PALMD: variants seen among roughly 807,000 people sequenced by gnomAD.
The protein encoded by PALMD is paralemmin-like protein.
Under a neutral mutation model 56.2 loss-of-function variants are expected in PALMD, and 42 were observed. That is an observed-to-expected ratio of 0.75 (90% CI 0.58 to 0.97). The LOEUF (loss-of-function observed/expected upper bound fraction) is 0.97. Ranked by LOEUF, PALMD falls within the 50% of genes least tolerant of loss-of-function variation. The pLI is 0.00. For synonymous variants in PALMD, 242 were observed against 222.9 expected (o/e 1.09, Z -0.76); for missense variants, 660 against 643.8 (o/e 1.03, Z -0.27).
intron 1 of PALMD, among the ~76,000 whole-genome samples, chr1:99,650,126 G>A (rs970745765): frequency 1.3e-5 from 2 of 152,012 alleles, no homozygotes; most frequent in Non-Finnish European, 2.9e-5. Context: ...GAGCCTAGAT[G>A]TGAAGGAGGT....
intron 7 of PALMD, among the ~76,000 whole-genome samples, chr1:99,691,672 A>G (rs1653656151): frequency 6.6e-6 from 1 of 151,986 alleles, no homozygotes; most frequent in African/African-American, 2.4e-5. Flanking sequence ...ATACATAACC[A>G]CCTACGTACT....
chr1:99,659,641 T>C (rs1160000305), intron 1 of PALMD, among the ~76,000 whole-genome samples: 1 of 152,234 alleles, frequency 6.6e-6, no homozygotes, highest in African/African-American at 2.4e-5. Context: ...AAGGTTGACT[T>C]ATAGTTTATT....
intron 2 of PALMD, 25 bp from the exon 3 acceptor site, chr1:99,667,617 A>G (rs1286075033): frequency 3.1e-6 from 5 of 1,605,152 alleles, no homozygotes; most frequent in South Asian, 1.1e-5. Context: ...ATATAAGAAC[A>G]TATCTTTATG....
At chr1:99,685,998 T>A (rs1415814913) in intron 3 of PALMD, 1 of 152,210 alleles carries the variant, frequency 6.6e-6, no homozygotes, top group African/African-American at 2.4e-5. Flanking sequence ...TTGCTGTAAG[T>A]TCCTTATGCT....
intron 6 of PALMD, among the ~76,000 whole-genome samples, chr1:99,688,242 C>G (rs1653558912): frequency 1.3e-5 from 2 of 152,106 alleles, no homozygotes; most frequent in Admixed American, 6.6e-5. Context: ...TTTAAACAGC[C>G]TCTCCACTGT....
At chr1:99,672,454 T>C (rs965326730) in intron 3 of PALMD, among the ~76,000 whole-genome samples, 12 of 152,194 alleles carry the variant, frequency 7.9e-5, no homozygotes, top group Admixed American at 5.9e-4. Context: ...CAAATATCCA[T>C]GTGCACAAAT....
chr1:99,658,676 C>T (rs933234298), intron 1 of PALMD, among the ~76,000 whole-genome samples: 1 of 151,906 alleles, frequency 6.6e-6, no homozygotes, highest in African/African-American at 2.4e-5. Flanking sequence ...GAGGCTGAGG[C>T]AGGAGAATGG....
At chr1:99,670,026 T>C (rs1234925957) in intron 3 of PALMD, among the ~76,000 whole-genome samples, 6 of 152,236 alleles carry the variant, frequency 3.9e-5, no homozygotes, top group African/African-American at 1.4e-4. Flanking sequence ...ACAGTGCCTG[T>C]GAAATGATGG....
Position 99,646,160 on chromosome 1 carries a change from T to C in PALMD, c.-158T>C. On this transcript the variant is annotated 5_prime_UTR_variant, in exon 1 of 8. Transcript: ENST00000263174. ...GATCTGTGCATCTGCTCGGAGACGC[T>C]CCTGACAAGTCGGGAATTTCTCTAT... 1.5e-6 allele frequency: 1 copy of C among 648,846 alleles called. No individual in the cohort carries two copies. The highest frequency in any genetic ancestry group is 2.8e-6 in the Non-Finnish European group (1 of 361,972). The allele number at this position is 648,846 out of a possible 1,614,324, so 40.2% of individuals were successfully genotyped here.
intron 1 of PALMD, among the ~76,000 whole-genome samples, chr1:99,648,917 T>C (rs1652506373): frequency 6.7e-6 from 1 of 148,624 alleles, no homozygotes; most frequent in Admixed American, 6.7e-5. Flanking sequence ...GTTAAACACA[T>C]TAAGTAGTTG....
At chr1:99,680,955 G>A (rs1002418039) in intron 3 of PALMD, among the ~76,000 whole-genome samples, 8 of 151,816 alleles carry the variant, frequency 5.3e-5, no homozygotes, top group African/African-American at 1.7e-4. Flanking sequence ...GAATTGGATT[G>A]GAGACATTAT....
intron 7 of PALMD, 23 bp from the exon 8 acceptor site, chr1:99,693,996 C>CTT (rs58405312): frequency 1.8e-4 from 273 of 1,528,564 alleles, no homozygotes; most frequent in African/African-American, 1.1e-3. Flanking sequence ...TTATAACTCT[C>CTT]TTTTTTTTTC....
chr1:99,654,798 G>T (rs548602090), intron 1 of PALMD, among the ~76,000 whole-genome samples: 1 of 152,078 alleles, frequency 6.6e-6, no homozygotes, highest in East Asian at 1.9e-4. Flanking sequence ...TTGGTTGGTT[G>T]GTTGCTTGGT....
chr1:99,679,651 G>A (rs1407154900), intron 3 of PALMD, among the ~76,000 whole-genome samples: 1 of 152,146 alleles, frequency 6.6e-6, no homozygotes, highest in African/African-American at 2.4e-5. Context: ...CATTATCATA[G>A]AAAGTAAAAA....
intron 3 of PALMD, chr1:99,685,018 T>G (rs1001201997): frequency 2.0e-5 from 3 of 152,166 alleles, no homozygotes; most frequent in Admixed American, 6.5e-5. Flanking sequence ...GCAAATTAGG[T>G]AAGCACCCTG....
intron 4 of PALMD, 58 bp from the exon 5 acceptor site, chr1:99,686,872 A>G: frequency 7.2e-7 from 1 of 1,381,416 alleles, no homozygotes; most frequent in Admixed American, 1.9e-5. Flanking sequence ...AAGCATATCC[A>G]CATTTAGATT....
rs926464309 is a variant in PALMD, at chr1:99,667,674, T to C, written c.159T>C (p.Asp53=). 14 of 1,613,124 alleles carry C rather than the reference T, an allele frequency of 8.7e-6. No individual in the cohort carries two copies. The highest frequency in any genetic ancestry group is 1.1e-5 in the South Asian group (1 of 91,062). The change falls in exon 3 of 8, where the codon GAT becomes GAC. Residue 53 remains aspartate (D), a synonymous_variant. Transcript: ENST00000263174. ...KKALREKWLL[D]GISSGKEQEE... is the part of the protein sequence containing the mutation. ...CCTTGAGGGAGAAATGGCTTCTAGA[T>C]GGAATCAGCAGCGGAAAAGAACAGG... is the stretch of plus-strand genomic sequence containing the variant.
intron 1 of PALMD, among the ~76,000 whole-genome samples, 170 bp downstream of exon 1, chr1:99,646,532 GC>G (rs1652448238): frequency 1.3e-5 from 2 of 152,330 alleles, no homozygotes; most frequent in South Asian, 4.1e-4. Context: ...TAACTCTGGG[GC>G]TTCAGAACCT....
chr1:99,690,044 CA>C, intron 7 of PALMD, 172 bp downstream of exon 7: 1 of 543,260 alleles, frequency 1.8e-6, no homozygotes, highest in African/African-American at 1.9e-5. Flanking sequence ...GTGATTAAGT[CA>C]CTTCAAAAGA....
Sources: gnomAD v4.1 joint callset for allele counts (sites outside exome capture counted in the v4.1 genomes callset) on GRCh38, gnomAD v4.1.1 for gene constraint, MANE v1.5 for transcripts, NCBI Gene and HGNC (gene_info 2026-07-23, HGNC 2026-07-21) for gene names.